Variants in URI1 observed in about 807,000 individuals in gnomAD.
The protein encoded by URI1 is unconventional prefoldin RPB5 interactor 1.
Under a neutral mutation model 60.2 loss-of-function variants are expected in URI1, and 39 were observed. That is an observed-to-expected ratio of 0.65 (90% CI 0.50 to 0.85). The LOEUF (loss-of-function observed/expected upper bound fraction) is 0.85. Ranked by LOEUF, URI1 falls within the 40% of genes least tolerant of loss-of-function variation. The pLI is 0.00. For synonymous variants in URI1, 251 were observed against 236.8 expected, an observed-to-expected ratio of 1.06 and a Z score of -0.55; for missense variants, 691 against 665.9, an observed-to-expected ratio of 1.04 and a Z score of -0.42.
intron 1 of URI1, among the ~76,000 whole-genome samples, chr19:29,965,185 C>T (rs1240682680): frequency 6.6e-6 from 1 of 152,122 alleles, no homozygotes; most frequent in Non-Finnish European, 1.5e-5. Flanking sequence ...TCTGTAATCA[C>T]CTCAGGCTCT....
chr19:29,946,923 C>A (rs1272809151), intron 1 of URI1, among the ~76,000 whole-genome samples: 2 of 152,114 alleles, frequency 1.3e-5, no homozygotes, highest in Non-Finnish European at 2.9e-5. Context: ...AGTTACATAG[C>A]CTTACCTTGG....
chr19:30,015,218 T>C lies in URI1; in HGVS notation c.*149T>C, dbSNP rs544741926. On this transcript the variant is annotated 3_prime_UTR_variant, in exon 11 of 11. Coordinates refer to ENST00000392271, the MANE Select transcript of URI1 (RefSeq NM_003796.3). Reference sequence around the variant, plus strand: ...TTCTTTTACCCTTACCCGTGGTATTTGAAAAAAATCAAGGTAACTGTCTGA... The same window carrying C: ...TTCTTTTACCCTTACCCGTGGTATTCGAAAAAAATCAAGGTAACTGTCTGA... The C allele has an allele frequency of 1.8e-5, 25 of 1,423,848 alleles. No individual in the cohort carries two copies. Among genetic ancestry groups the C allele is most frequent in the Admixed American group, 2.9e-5 (1 of 34,356 alleles). 88.2% of individuals were successfully genotyped at this position (1,423,848 alleles called of 1,614,324 possible).
intron 1 of URI1, among the ~76,000 whole-genome samples, chr19:29,937,153 CT>C (rs1366533112): frequency 6.6e-6 from 1 of 152,216 alleles, no homozygotes; most frequent in East Asian, 1.9e-4. Flanking sequence ...TTCAGATCAG[CT>C]TTTTGATCTC....
chr19:29,949,736 T>C (rs1259721574), intron 1 of URI1, among the ~76,000 whole-genome samples: 1 of 151,926 alleles, frequency 6.6e-6, no homozygotes, highest in Non-Finnish European at 1.5e-5. Flanking sequence ...AGCGAAACCC[T>C]GTCTCCACCA....
Position 29,986,409 on chromosome 19 carries a change from G to A in URI1, c.359G>A (p.Arg120Gln), listed in dbSNP as rs754690097. ...CAGGCTGTAGGTTTAGTTGAGCACC[G>A]GAAAGAACGTAGGTACCCATTTTAA... ...AKQAVGLVEH[R>Q]KEHVRKTIDD... The change falls in exon 4 of 11, where the codon CGG (arginine) becomes CAG (glutamine). Residue 120 changes from arginine to glutamine, a missense_variant. Physicochemically the swap from Arg to Gln is conservative, Grantham distance 43. Coordinates refer to ENST00000392271, the MANE Select transcript of URI1 (RefSeq NM_003796.3). The A allele has an allele frequency of 2.8e-5, 45 of 1,606,348 alleles. No individual in the cohort carries two copies. The highest frequency in any genetic ancestry group is 3.4e-5 in the South Asian group (3 of 89,346).
At chr19:30,005,973 T>G (rs1230986985) in intron 6 of URI1, among the ~76,000 whole-genome samples, 2 of 152,116 alleles carry the variant, frequency 1.3e-5, no homozygotes, top group Non-Finnish European at 2.9e-5. Flanking sequence ...GCTCCAAACC[T>G]CTAAAACTCA....
At chr19:29,964,298 T>C (rs1361602744) in intron 1 of URI1, among the ~76,000 whole-genome samples, 1 of 152,146 alleles carries the variant, frequency 6.6e-6, no homozygotes, top group Non-Finnish European at 1.5e-5. Context: ...CTGTCTCTTC[T>C]ACTTTCTGAG....
chr19:29,948,889 G>A (rs955889369), intron 1 of URI1, among the ~76,000 whole-genome samples: 2 of 152,006 alleles, frequency 1.3e-5, no homozygotes, highest in African/African-American at 4.8e-5. Context: ...CAGGCAGAGG[G>A]AGTCCTCACT....
intron 1 of URI1, among the ~76,000 whole-genome samples, chr19:29,944,464 G>A (rs2055079042): frequency 6.6e-6 from 1 of 151,758 alleles, no homozygotes; most frequent in South Asian, 2.1e-4. Context: ...TCTGCCATTT[G>A]GCATATTAAA....
Position 30,005,381 on chromosome 19 carries a change from G to T in URI1, c.388G>T (p.Asp130Tyr). 2 of 1,596,338 alleles carry T rather than the reference G, an allele frequency of 1.3e-6. No individual in the cohort carries two copies. Among genetic ancestry groups the T allele is most frequent in the South Asian group, 2.3e-5 (2 of 88,012 alleles). The change falls in exon 5 of 11, where the codon GAC becomes TAC. Residue 130 changes from aspartate (D) to tyrosine (Y), a missense_variant. By Grantham distance (160) the Asp-to-Tyr change is radical. Transcript: ENST00000392271. Reference sequence around the variant, plus strand: ...TTCAGATGTAAGAAAAACAATAGATGACTTAAAAAAAGTGATGAAAAATTT... The same window carrying T: ...TTCAGATGTAAGAAAAACAATAGATTACTTAAAAAAAGTGATGAAAAATTT... ...RKEHVRKTIDDLKKVMKNFES... is the reference protein window; with the variant it reads ...RKEHVRKTIDYLKKVMKNFES...
At chr19:29,995,861 A>G (rs181073180) in intron 4 of URI1, among the ~76,000 whole-genome samples, 5 of 152,228 alleles carry the variant, frequency 3.3e-5, no homozygotes, top group Admixed American at 3.3e-4. Context: ...TGCTGAAAAC[A>G]CTGTCCTTAC....
intron 9 of URI1, among the ~76,000 whole-genome samples, chr19:30,011,619 G>GT (rs1254340250): frequency 0.037 from 5,155 of 137,598 alleles, 243 homozygotes; most frequent in African/African-American, 0.11. Flanking sequence ...ACTGTTGCAG[G>GT]TTTTTTTTTT....
At chr19:29,964,329 C>A (rs1217729781) in intron 1 of URI1, among the ~76,000 whole-genome samples, 1 of 152,010 alleles carries the variant, frequency 6.6e-6, no homozygotes, top group African/African-American at 2.4e-5. Context: ...TTTTTTTGTC[C>A]TACTTGGAGG....
intron 7 of URI1, 150 bp downstream of exon 7, chr19:30,007,788 T>C (rs960651562): frequency 1.5e-6 from 1 of 668,598 alleles, no homozygotes; most frequent in African/African-American, 1.9e-5. Flanking sequence ...CACCTCAAGA[T>C]GAACATTAAT....
At chr19:29,940,831 G>A (rs1405316707), upstream of URI1, among the ~76,000 whole-genome samples, 1 of 152,144 alleles carries the variant, frequency 6.6e-6, no homozygotes, top group Non-Finnish European at 1.5e-5. Context: ...AGTGGGGTGG[G>A]CAGCAGCCGA....
chr19:30,012,818 G>A (rs904110738), intron 10 of URI1: 64 of 252,832 alleles, frequency 2.5e-4, no homozygotes, highest in Admixed American at 1.1e-4. Context: ...AAATTATTTC[G>A]CAGTTTATTT....
chr19:29,987,727 A>G (rs1212621277), intron 4 of URI1, among the ~76,000 whole-genome samples: 1 of 152,234 alleles, frequency 6.6e-6, no homozygotes, highest in Admixed American at 6.5e-5. Flanking sequence ...CTTATACTAC[A>G]ATAGAATAGA....
chr19:29,942,754 A>G (rs2145223339), intron 1 of URI1, 90 bp downstream of exon 1: 2 of 1,260,594 alleles, frequency 1.6e-6, no homozygotes, highest in Non-Finnish European at 2.0e-6. Flanking sequence ...GCCTAGGCCC[A>G]GCTGCCCGGG....
At chr19:30,002,913 G>A (rs1207038753) in intron 4 of URI1, among the ~76,000 whole-genome samples, 1 of 151,866 alleles carries the variant, frequency 6.6e-6, no homozygotes, top group Admixed American at 6.6e-5. Context: ...TGCTTAATTA[G>A]ATTTCAACTT....
Sources: allele counts gnomAD v4.1 joint callset (sites outside exome capture counted in the v4.1 genomes callset), GRCh38; gene constraint gnomAD v4.1.1; transcripts MANE v1.5; gene names NCBI Gene and HGNC (gene_info 2026-07-23, HGNC 2026-07-21).